RPSA2: variants seen among roughly 807,000 people sequenced by gnomAD.
The protein encoded by RPSA2 is small ribosomal subunit protein uS2B.
the RPSA2 span, among the ~76,000 whole-genome samples, chr19:23,847,088 T>A: frequency 6.6e-6 from 1 of 152,134 alleles, no homozygotes; most frequent in African/African-American, 2.4e-5. Flanking sequence ...AGTAAATTAT[T>A]TTAAAAGACC....
chr19:23,789,490 CTT>C, the RPSA2 span, among the ~76,000 whole-genome samples: 1 of 152,152 alleles, frequency 6.6e-6, no homozygotes, highest in Non-Finnish European at 1.5e-5. Context: ...TGACATATAT[CTT>C]GCCCCAGCTT....
At chr19:23,841,031 A>G in the RPSA2 span, among the ~76,000 whole-genome samples, 1 of 150,202 alleles carries the variant, frequency 6.7e-6, no homozygotes. Context: ...TACATAAAAC[A>G]TGTTTTTTAT....
chr19:23,808,668 G>T, the RPSA2 span: 3 of 513,496 alleles, frequency 5.8e-6, no homozygotes, highest in Admixed American at 2.3e-5. Flanking sequence ...TACTAAGTTG[G>T]TAATTGGAGA....
the RPSA2 span, among the ~76,000 whole-genome samples, chr19:23,820,836 G>A: frequency 1.3e-5 from 2 of 152,170 alleles, no homozygotes; most frequent in Non-Finnish European, 2.9e-5. Flanking sequence ...CAGAGACTGA[G>A]CTTCCACCAC....
chr19:23,858,488 C>G, the RPSA2 span, among the ~76,000 whole-genome samples: 1 of 152,162 alleles, frequency 6.6e-6, no homozygotes, highest in East Asian at 1.9e-4. Flanking sequence ...ATGACATTAA[C>G]TGTTGTAGAT....
the RPSA2 span, chr19:23,758,785 G>A: frequency 2.5e-6 from 4 of 1,614,162 alleles, no homozygotes; most frequent in Non-Finnish European, 3.4e-6. Context: ...TCTTAGCTAT[G>A]GATCGCCAAT....
At chr19:23,761,052 G>GTATA in the RPSA2 span, among the ~76,000 whole-genome samples, 42,137 of 147,798 alleles carry the variant, frequency 0.29, 6,677 homozygotes, top group East Asian at 0.52. Flanking sequence ...GTATATATGT[G>GTATA]TATATATATA....
At chr19:23,841,478 AAACCTGTATTATT>A in the RPSA2 span, among the ~76,000 whole-genome samples, 1 of 152,142 alleles carries the variant, frequency 6.6e-6, no homozygotes, top group South Asian at 2.1e-4. Flanking sequence ...AACAAAACAA[AAACCTGTATTATT>A]AACAGGTACT....
At chr19:23,844,476 T>C in the RPSA2 span, among the ~76,000 whole-genome samples, 19 of 152,302 alleles carry the variant, frequency 1.2e-4, no homozygotes, top group African/African-American at 4.6e-4. Context: ...ATGTTGGCTA[T>C]TTGTATGTCT....
At chr19:23,842,111 A>G in the RPSA2 span, among the ~76,000 whole-genome samples, 1 of 152,234 alleles carries the variant, frequency 6.6e-6, no homozygotes, top group Non-Finnish European at 1.5e-5. Flanking sequence ...ATAGTAACTC[A>G]GGTCTCATCC....
At chr19:23,862,956 T>A in the RPSA2 span, among the ~76,000 whole-genome samples, 1 of 150,992 alleles carries the variant, frequency 6.6e-6, no homozygotes, top group East Asian at 1.9e-4. Context: ...CAGGCTGGAG[T>A]GCAATGGCAC....
chr19:23,840,752 G>A, the RPSA2 span, among the ~76,000 whole-genome samples: 1 of 151,908 alleles, frequency 6.6e-6, no homozygotes, highest in African/African-American at 2.4e-5. Flanking sequence ...GAGGTCAGGA[G>A]TTTGAGACCA....
chr19:23,834,404 G>A, the RPSA2 span, among the ~76,000 whole-genome samples: 4 of 151,788 alleles, frequency 2.6e-5, no homozygotes, highest in Admixed American at 2.0e-4. Context: ...TTGTTTATTA[G>A]GTAAGCATTA....
At chr19:23,861,450 C>A in the RPSA2 span, among the ~76,000 whole-genome samples, 1 of 152,144 alleles carries the variant, frequency 6.6e-6, no homozygotes, top group Non-Finnish European at 1.5e-5. Context: ...TTTTTCACTT[C>A]TAGCATATCT....
chr19:23,850,195 T>A, the RPSA2 span, among the ~76,000 whole-genome samples: 1 of 150,476 alleles, frequency 6.6e-6, no homozygotes, highest in South Asian at 2.1e-4. Flanking sequence ...TCCATCCAGA[T>A]GAGAGGTCAA....
At chr19:23,860,782 C>A in the RPSA2 span, among the ~76,000 whole-genome samples, 1 of 152,162 alleles carries the variant, frequency 6.6e-6, no homozygotes, top group African/African-American at 2.4e-5. Flanking sequence ...GAGCTGGTAG[C>A]ATGCATGACT....
chr19:23,848,344 A>G, the RPSA2 span, among the ~76,000 whole-genome samples: 2 of 152,022 alleles, frequency 1.3e-5, no homozygotes, highest in East Asian at 1.9e-4. Context: ...CATTCTCTCA[A>G]TTTTTACACA....
chr19:23,869,132 A>G, the RPSA2 span, among the ~76,000 whole-genome samples: 1 of 152,174 alleles, frequency 6.6e-6, no homozygotes, highest in Non-Finnish European at 1.5e-5. Flanking sequence ...CTTTGGAGTG[A>G]CACTCCTCCT....
chr19:23,767,948 G>C, the RPSA2 span, among the ~76,000 whole-genome samples: 3 of 151,758 alleles, frequency 2.0e-5, no homozygotes, highest in Non-Finnish European at 4.4e-5. Context: ...TCTATTTTTA[G>C]TAGAGACGGG....
Sources: gnomAD v4.1 joint callset for allele counts (sites outside exome capture counted in the v4.1 genomes callset) on GRCh38, gnomAD v4.1.1 for gene constraint, MANE v1.5 for transcripts, NCBI Gene and HGNC (gene_info 2026-07-23, HGNC 2026-07-21) for gene names.